The following MCPH1 variants were observed in gnomAD, a reference collection of about 807,000 sequenced individuals.
The protein encoded by MCPH1 is microcephalin.
In MCPH1, 104 loss-of-function variants were observed where a neutral mutation model predicts 84.5. The ratio of observed to expected loss-of-function variants is 1.23; its 90% CI spans 1.05 to 1.45. MCPH1 has a LOEUF of 1.45. Ranked by LOEUF, MCPH1 falls within the 40% of genes most tolerant of loss-of-function variation. The pLI is 0.00. For synonymous variants in MCPH1, 514 were observed against 366.8 expected, an observed-to-expected ratio of 1.40 and a Z score of -4.58; for missense variants, 1,498 against 1,005.7, an observed-to-expected ratio of 1.49 and a Z score of -6.62.
At chr8:6,507,640 G>C (rs1168690008) in intron 12 of MCPH1, 1 of 141,878 alleles carries the variant, frequency 7.0e-6, no homozygotes, top group African/African-American at 2.6e-5. Context: ...GCAGTGGCAC[G>C]ATCTTGGGTT....
At chr8:6,426,390 G>A (rs1408670956) in intron 3 of MCPH1, among the ~76,000 whole-genome samples, 1 of 152,170 alleles carries the variant, frequency 6.6e-6, no homozygotes, top group African/African-American at 2.4e-5. Flanking sequence ...TCTGGTTTCT[G>A]TCATTAAAGA....
chr8:6,465,973 G>A (rs1585929092), intron 9 of MCPH1, among the ~76,000 whole-genome samples: 1 of 81,654 alleles, frequency 1.2e-5, no homozygotes, highest in African/African-American at 4.2e-5. Context: ...CCATCCATCC[G>A]ATACAGAGCC....
chr8:6,477,408 T>C (rs983930111), intron 9 of MCPH1, 186 bp from the exon 10 acceptor site: 1 of 596,276 alleles, frequency 1.7e-6, no homozygotes. Context: ...GGGGACAGTA[T>C]CTGAGTTTCT....
intron 9 of MCPH1, among the ~76,000 whole-genome samples, chr8:6,461,118 T>C (rs2920662): frequency 2.0e-5 from 3 of 151,856 alleles, no homozygotes; most frequent in East Asian, 3.8e-4. Flanking sequence ...AACACCTGAA[T>C]TGACATTAAT....
In MCPH1 at chr8:6,436,084, A is replaced by G. The variant is rs1802598224; in HGVS notation, c.358A>G (p.Thr120Ala). Residue 120 changes from threonine to alanine, a missense_variant, in exon 5 of 14, where the codon ACA becomes GCA. Thr to Ala is a moderately conservative substitution (Grantham distance 58, BLOSUM62 0). Transcript: ENST00000344683. ...CMQPKDFNFK[T>A]PENDKRFQKK... ...GCAGCCCAAAGATTTTAATTTTAAAACACCAGAAAATGATAAGAGATTTCA... is the reference window on the plus strand; with the variant it reads ...GCAGCCCAAAGATTTTAATTTTAAAGCACCAGAAAATGATAAGAGATTTCA... The G allele has an allele frequency of 3.1e-6, 5 of 1,613,748 alleles. No individual in the cohort carries two copies. The highest frequency in any genetic ancestry group is 1.1e-5 in the South Asian group (1 of 91,044).
At chr8:6,417,091 A>C (rs747064191) in intron 3 of MCPH1, among the ~76,000 whole-genome samples, 1 of 151,854 alleles carries the variant, frequency 6.6e-6, no homozygotes, top group Non-Finnish European at 1.5e-5. Context: ...TTTAAAATTT[A>C]TTTTGTTTAG....
intron 12 of MCPH1, among the ~76,000 whole-genome samples, chr8:6,599,617 A>C (rs2129578150): frequency 6.6e-6 from 1 of 152,338 alleles, no homozygotes; most frequent in East Asian, 1.9e-4. Flanking sequence ...GGAAGTTCAG[A>C]AGCTTAGTAC....
intron 12 of MCPH1, among the ~76,000 whole-genome samples, chr8:6,547,885 ATTT>A (rs78972556): frequency 1.9e-4 from 23 of 119,034 alleles, no homozygotes; most frequent in African/African-American, 5.1e-4. Flanking sequence ...TCTTACCCCC[ATTT>A]TTTTTTTTTT....
intron 12 of MCPH1, among the ~76,000 whole-genome samples, chr8:6,511,723 C>T (rs1464771299): frequency 1.3e-5 from 2 of 152,054 alleles, no homozygotes; most frequent in Non-Finnish European, 2.9e-5. Flanking sequence ...AAGCTTTAAA[C>T]CAATGTGTGT....
chr8:6,502,971 G>T, intron 12 of MCPH1: 1 of 1,042,290 alleles, frequency 9.6e-7, no homozygotes, highest in Non-Finnish European at 1.4e-6. Context: ...TGGAGCATGT[G>T]GGTCCCGTCA....
At chr8:6,492,460 A>G (rs1347924723) in intron 11 of MCPH1, among the ~76,000 whole-genome samples, 5 of 151,610 alleles carry the variant, frequency 3.3e-5, no homozygotes, top group African/African-American at 1.2e-4. Context: ...TTTGCTGTGC[A>G]GAAGCTCTTT....
At chr8:6,507,586 T>C (rs1032389091) in intron 12 of MCPH1, 7 of 149,168 alleles carry the variant, frequency 4.7e-5, no homozygotes, top group Non-Finnish European at 7.4e-5. Context: ...TTTTTTTTTT[T>C]TTTTTTTTTG....
intron 12 of MCPH1, among the ~76,000 whole-genome samples, chr8:6,612,542 T>C (rs1257584197): frequency 6.6e-6 from 1 of 152,192 alleles, no homozygotes; most frequent in East Asian, 1.9e-4. Context: ...GCTCAGTGCA[T>C]GTCCTCATCC....
intron 12 of MCPH1, chr8:6,621,172 T>C (rs1238946325): frequency 2.1e-6 from 1 of 467,810 alleles, no homozygotes; most frequent in Non-Finnish European, 3.9e-6. Flanking sequence ...TGCTTTTCAA[T>C]ATTTTGTTTG....
intron 12 of MCPH1, 187 bp from the exon 13 acceptor site, chr8:6,621,267 G>A (rs1831383501): frequency 1.3e-5 from 9 of 702,370 alleles, no homozygotes; most frequent in Admixed American, 5.4e-5. Flanking sequence ...TTCAGAAAAC[G>A]TCAGTTTTAT....
At chr8:6,623,684 C>T (rs1218854262) in intron 13 of MCPH1, among the ~76,000 whole-genome samples, 2 of 84,200 alleles carry the variant, frequency 2.4e-5, no homozygotes, top group African/African-American at 5.5e-5. Flanking sequence ...TGGAAACCAA[C>T]TTCCAAAAAA....
At chr8:6,446,952 G>T (rs565471390) in intron 8 of MCPH1, 1 of 985,400 alleles carries the variant, frequency 1.0e-6, no homozygotes, top group Non-Finnish European at 1.2e-6. Context: ...TTGACTCAAG[G>T]CACCCTGGTG....
chr8:6,621,755 G>A (rs1040697320), intron 13 of MCPH1, 64 bp downstream of exon 13: 4 of 1,608,432 alleles, frequency 2.5e-6, no homozygotes, highest in South Asian at 1.1e-5. Flanking sequence ...TTCCAGGGAG[G>A]GCGGCGTCAG....
At chr8:6,428,115 T>C (rs1454024709) in intron 3 of MCPH1, among the ~76,000 whole-genome samples, 14 of 152,144 alleles carry the variant, frequency 9.2e-5, no homozygotes. Context: ...GGCCTTACTA[T>C]AGCTTTTTTA....
Sources: gnomAD v4.1 joint callset for allele counts (sites outside exome capture counted in the v4.1 genomes callset) on GRCh38, gnomAD v4.1.1 for gene constraint, MANE v1.5 for transcripts, NCBI Gene and HGNC (gene_info 2026-07-23, HGNC 2026-07-21) for gene names.